Variants in NOL10 observed in about 807,000 individuals in gnomAD.
The protein encoded by NOL10 is nucleolar protein 10.
A neutral mutation model predicts 103.5 loss-of-function variants in NOL10; 58 were observed. That is an observed-to-expected ratio of 0.56 (90% CI 0.45 to 0.70). The LOEUF (loss-of-function observed/expected upper bound fraction) is 0.70. Among genes scored for constraint, NOL10 ranks in the 30% least tolerant of loss-of-function variants. NOL10 has a pLI of 0.00. For missense variants in NOL10, 763 were observed against 807.3 expected (o/e 0.95, Z 0.67); for synonymous variants, 287 against 282.5 (o/e 1.02, Z -0.16).
intron 17 of NOL10, among the ~76,000 whole-genome samples, chr2:10,595,474 T>A (rs955448496): frequency 2.0e-5 from 3 of 152,172 alleles, no homozygotes; most frequent in Non-Finnish European, 2.9e-5. Context: ...CCAGCTAATG[T>A]TTTGTAGAGA....
At chr2:10,619,015 T>A (rs1468959949) in intron 13 of NOL10, among the ~76,000 whole-genome samples, 1 of 152,216 alleles carries the variant, frequency 6.6e-6, no homozygotes, top group Non-Finnish European at 1.5e-5. Flanking sequence ...TAACGGAGGT[T>A]TATAAACTTT....
rs35217452 is a variant in NOL10 at position 10,640,596 on chromosome 2, TTC to T, written c.1026+3722_1026+3723del. 4.9e-3 allele frequency among the ~76,000 whole-genome samples: 740 copies of T among 152,202 alleles called. 3 individuals carry two copies. Among genetic ancestry groups the T allele is most frequent in the African/African-American group, 0.016 (681 of 41,520 alleles). On this transcript the variant is annotated intron_variant, in intron 13 of 20. Coordinates refer to ENST00000381685, the MANE Select transcript of NOL10 (RefSeq NM_024894.4). ...AGCTAACATTTGTCAAGAAGGCAAT[TTC>T]TCATCACCTGGCTATCATCCAGCCC... is the stretch of plus-strand genomic sequence containing the variant.
At chr2:10,645,600 C>G (rs571611551) in intron 12 of NOL10, among the ~76,000 whole-genome samples, 1 of 147,280 alleles carries the variant, frequency 6.8e-6, no homozygotes, top group Admixed American at 6.9e-5. Context: ...GTGGCGTGGT[C>G]TCGGCTCACT....
Position 10,577,696 on chromosome 2 carries a change from C to T in NOL10, c.1887G>A (p.Gly629=). 3 of 1,612,544 alleles carry T rather than the reference C, an allele frequency of 1.9e-6. No individual in the cohort carries two copies. Among genetic ancestry groups the T allele is most frequent in the Non-Finnish European group, 2.5e-6 (3 of 1,179,220 alleles). ...CGGTGGTGTCGGATACACTCAATGT[C>T]CCATTTTTTGCTTCAATTTTCAAAC... is the stretch of plus-strand genomic sequence containing the variant. ...EDRLKIEAKN[G]TLSVSDTTVG... Residue 629 remains glycine (G), a synonymous_variant, in exon 20 of 21, where the codon GGG becomes GGA. Transcript: ENST00000381685.
chr2:10,645,515 C>A (rs1678996244), intron 12 of NOL10, among the ~76,000 whole-genome samples: 1 of 149,986 alleles, frequency 6.7e-6, no homozygotes, highest in Non-Finnish European at 1.5e-5. Flanking sequence ...ACCACTCAAG[C>A]AGGAACTCAA....
chr2:10,602,697 C>T, intron 16 of NOL10, 79 bp downstream of exon 16: 1 of 854,674 alleles, frequency 1.2e-6, no homozygotes, highest in East Asian at 2.6e-5. Context: ...AAAAGAATGG[C>T]AGATTTCTTT....
intron 13 of NOL10, among the ~76,000 whole-genome samples, chr2:10,640,544 T>C (rs938648632): frequency 2.0e-5 from 3 of 152,096 alleles, no homozygotes; most frequent in Non-Finnish European, 2.9e-5. Flanking sequence ...AGGTAGAAAG[T>C]TGAAACTAAA....
chr2:10,591,997 CACAAACAA>C (rs70953315), intron 17 of NOL10, among the ~76,000 whole-genome samples: 17 of 88,646 alleles, frequency 1.9e-4, no homozygotes, highest in East Asian at 2.4e-4. Flanking sequence ...GAGACCTTGT[CACAAACAA>C]ACAAACAAAC....
At chr2:10,635,980 G>A (rs920811092) in intron 13 of NOL10, among the ~76,000 whole-genome samples, 4 of 152,212 alleles carry the variant, frequency 2.6e-5, no homozygotes, top group Non-Finnish European at 5.9e-5. Context: ...CTGTCTGCCA[G>A]ACTCAAGTTA....
intron 10 of NOL10, among the ~76,000 whole-genome samples, chr2:10,658,684 T>C (rs1359626419): frequency 4.6e-5 from 7 of 152,198 alleles, no homozygotes; most frequent in Admixed American, 4.6e-4. Context: ...AAACCCACTG[T>C]CAATCTTCAA....
At chr2:10,679,487 T>A (rs1449837890) in intron 3 of NOL10, among the ~76,000 whole-genome samples, 12 of 152,154 alleles carry the variant, frequency 7.9e-5, no homozygotes, top group Non-Finnish European at 1.8e-4. Context: ...AGTGAAACCC[T>A]GTCTCAAAAA....
intron 16 of NOL10, among the ~76,000 whole-genome samples, chr2:10,601,265 G>GT (rs1193216203): frequency 6.6e-6 from 1 of 152,084 alleles, no homozygotes; most frequent in Non-Finnish European, 1.5e-5. Context: ...GGGTTTCACT[G>GT]TGTCAGCCAG....
Position 10,618,295 on chromosome 2 carries a change from T to C in NOL10, c.1027-10984A>G, listed in dbSNP as rs77106886. Among the ~76,000 whole-genome samples the C allele has an allele frequency of 5.3e-4, 80 of 152,236 alleles. 2 individuals are homozygous for C. The East Asian group carries it at 0.014, about 26-fold the overall frequency. ...ATTATGTCTCCTTAGTTTCCTTTAA[T>C]GTAGGAGCCCCCACCTTCACTGACT... On this transcript the variant is annotated intron_variant, in intron 13 of 20. Transcript: ENST00000381685.
intron 6 of NOL10, among the ~76,000 whole-genome samples, chr2:10,670,056 CT>C (rs1680826811): frequency 6.6e-6 from 1 of 151,874 alleles, no homozygotes; most frequent in Admixed American, 6.6e-5. Flanking sequence ...TTATAAAAAA[CT>C]AATAATAAAA....
intron 13 of NOL10, among the ~76,000 whole-genome samples, chr2:10,612,695 G>A (rs2148203554): frequency 6.6e-6 from 1 of 151,956 alleles, no homozygotes; most frequent in Non-Finnish European, 1.5e-5. Context: ...GTAGAGACGG[G>A]GTTTCACCAT....
chr2:10,636,135 G>A (rs191112101), intron 13 of NOL10, among the ~76,000 whole-genome samples: 59 of 152,188 alleles, frequency 3.9e-4, no homozygotes, highest in African/African-American at 1.3e-3. Context: ...TGATCTACCC[G>A]CCTCGGCCTC....
chr2:10,593,789 T>C (rs777151724), intron 17 of NOL10, among the ~76,000 whole-genome samples: 2 of 152,054 alleles, frequency 1.3e-5, no homozygotes, highest in Non-Finnish European at 2.9e-5. Context: ...GGCTGGCACA[T>C]GGGGGTGAGG....
intron 13 of NOL10, among the ~76,000 whole-genome samples, chr2:10,637,560 G>T (rs1678348179): frequency 6.6e-6 from 1 of 152,186 alleles, no homozygotes; most frequent in South Asian, 2.1e-4. Context: ...ACCTCTGCGG[G>T]GAGTGTGCTA....
At chr2:10,620,594 A>C (rs1677089650) in intron 13 of NOL10, among the ~76,000 whole-genome samples, 2 of 152,230 alleles carry the variant, frequency 1.3e-5, no homozygotes, top group Non-Finnish European at 2.9e-5. Flanking sequence ...AAGGACATAA[A>C]GGAACTCAAT....
Sources: allele counts gnomAD v4.1 joint callset (sites outside exome capture counted in the v4.1 genomes callset), GRCh38; gene constraint gnomAD v4.1.1; transcripts MANE v1.5; gene names NCBI Gene and HGNC (gene_info 2026-07-23, HGNC 2026-07-21).